Variants in TCF3 observed in about 807,000 individuals in gnomAD.
The protein encoded by TCF3 is transcription factor E2-alpha.
In TCF3, 54 loss-of-function variants were observed where a neutral mutation model predicts 72.3. That is an observed-to-expected ratio of 0.75 (90% confidence interval 0.60 to 0.94). The LOEUF is 0.94. TCF3 is among the 40% of genes least tolerant of loss of function. The pLI is 0.00. For missense variants in TCF3, 1,078 were observed against 934.4 expected (o/e 1.15, Z -2.00); for synonymous variants, 525 against 412.6 (o/e 1.27, Z -3.30).
intron 7 of TCF3, among the ~76,000 whole-genome samples, chr19:1,625,139 G>A (rs957686004): frequency 1.4e-4 from 22 of 152,240 alleles, no homozygotes; most frequent in Non-Finnish European, 2.8e-4. Context: ...GTGCCGCCAT[G>A]CCTGGCGACT....
At chr19:1,612,165 G>A (rs772665099) in intron 18 of TCF3, 2 of 1,527,670 alleles carry the variant, frequency 1.3e-6, no homozygotes, top group African/African-American at 1.4e-5. Context: ...TGGGTGTGGG[G>A]AAGGGAGAGG....
intron 3 of TCF3, among the ~76,000 whole-genome samples, chr19:1,636,820 G>A (rs529638331): frequency 1.3e-5 from 2 of 152,096 alleles, no homozygotes; most frequent in Non-Finnish European, 2.9e-5. Flanking sequence ...ACGAGATCCC[G>A]CAAAGCCTCC....
In TCF3 at chr19:1,622,174, C is replaced by T. The variant is rs748162352; in HGVS notation, c.702G>A (p.Ala234=). ...CCCCACCCAGCATGGGCCCGAAGCC[C>T]GCCTGGCCCGGGGGACTCCAGAGCT... The part of the protein sequence containing the change: ...SAELWSPPGQ[A]GFGPMLGGGS... Residue 234 remains alanine, a synonymous_variant, in exon 10 of 19, where the codon GCG becomes GCA. Transcript: ENST00000262965. 79 of 1,570,270 alleles carry T rather than the reference C, an allele frequency of 5.0e-5. No individual in the cohort carries two copies. Among genetic ancestry groups the T allele is most frequent in the Non-Finnish European group, 6.0e-5 (70 of 1,160,490 alleles).
rs932433689 is a variant in TCF3, at chr19:1,611,640, G to A, written c.*67C>T. 2.6e-5 allele frequency: 40 copies of A among 1,555,896 alleles called. No individual in the cohort carries two copies. Among genetic ancestry groups the A allele is most frequent in the Middle Eastern group, 3.7e-4 (2 of 5,442 alleles). On this transcript the variant is annotated 3_prime_UTR_variant, in exon 19 of 19. Coordinates refer to ENST00000262965, the MANE Select transcript of TCF3 (RefSeq NM_003200.5). The stretch of plus-strand genomic sequence containing the variant: ...GGATGTGGATGAAGCCCGGGGTCTC[G>A]AGTGGCCGTTCTGGGGCCAGAGCAC...
intron 2 of TCF3, among the ~76,000 whole-genome samples, chr19:1,649,656 C>G (rs560510617): frequency 7.6e-4 from 115 of 152,242 alleles, no homozygotes; most frequent in African/African-American, 2.7e-3. Context: ...CTCCTGGCCT[C>G]AAGCGATCCT....
At chr19:1,634,634 G>A (rs528143721) in intron 3 of TCF3, among the ~76,000 whole-genome samples, 118 of 152,326 alleles carry the variant, frequency 7.7e-4, no homozygotes, top group Middle Eastern at 6.8e-3. Context: ...GGTCCCTGTT[G>A]GGTCCCCTCC....
intron 7 of TCF3, among the ~76,000 whole-genome samples, chr19:1,624,290 G>A (rs907457802): frequency 6.6e-6 from 1 of 152,144 alleles, no homozygotes; most frequent in African/African-American, 2.4e-5. Context: ...CAGCTACTCG[G>A]GAGGCCGAGG....
At chr19:1,642,503 G>A (rs1354281681) in intron 3 of TCF3, among the ~76,000 whole-genome samples, 1 of 152,222 alleles carries the variant, frequency 6.6e-6, no homozygotes, top group African/African-American at 2.4e-5. Context: ...AGAATAAAAA[G>A]TGGATCAACT....
chr19:1,616,257 G>A (rs1413304916), intron 16 of TCF3, among the ~76,000 whole-genome samples: 2 of 151,806 alleles, frequency 1.3e-5, no homozygotes, highest in African/African-American at 4.8e-5. Flanking sequence ...GGTGGATCAC[G>A]AGGTCAGGAG....
rs924397278 is a variant in TCF3 at position 1,627,768 on chromosome 19, G to A, written c.299-342C>T. ...GGTGGGGCGGAAAGGGGACAGCAGA[G>A]CTCACGGGGTGAGGTGGGAAGGGGA... is the stretch of plus-strand genomic sequence containing the variant. On this transcript the variant is annotated intron_variant, in intron 5 of 18. Coordinates refer to ENST00000262965, the MANE Select transcript of TCF3 (RefSeq NM_003200.5). 5.2e-4 allele frequency among the ~76,000 whole-genome samples: 78 copies of A among 148,850 alleles called. No individual in the cohort carries two copies. The East Asian group carries it at 5.3e-3, about 10-fold the overall frequency.
chr19:1,611,904 T>TGA, intron 18 of TCF3, 55 bp from the exon 19 acceptor site: 1 of 896,122 alleles, frequency 1.1e-6, no homozygotes, highest in South Asian at 2.7e-5. Flanking sequence ...GAGAAAGATG[T>TGA]GAGGTGGGAG....
Position 1,632,150 on chromosome 19 carries a change from G to T in TCF3, c.220-34C>A. On this transcript the variant is annotated intron_variant, in intron 4 of 18. Transcript: ENST00000262965. ...GATGGGGTGGGGATGAGAGGTGCTG[G>T]GGCTTCACAGGCCCCCCCTCCACCC... The T allele has an allele frequency of 1.9e-6, 3 of 1,602,500 alleles. No homozygotes were observed. The South Asian group carries it at 3.4e-5, about 18-fold the overall frequency.
intron 3 of TCF3, among the ~76,000 whole-genome samples, chr19:1,644,902 C>G (rs1041858417): frequency 1.3e-5 from 2 of 151,974 alleles, no homozygotes; most frequent in Non-Finnish European, 2.9e-5. Flanking sequence ...CTCCAGGAAG[C>G]CCCCAGGGCC....
chr19:1,636,890 C>G (rs150400301), intron 3 of TCF3, among the ~76,000 whole-genome samples: 29 of 152,268 alleles, frequency 1.9e-4, no homozygotes, highest in East Asian at 1.2e-3. Flanking sequence ...CCCTGTGGCC[C>G]GCCCGCGAGC....
chr19:1,642,312 G>GCACA (rs747981790), intron 3 of TCF3, among the ~76,000 whole-genome samples: 2 of 151,524 alleles, frequency 1.3e-5, no homozygotes, highest in South Asian at 4.2e-4. Flanking sequence ...ACACCCGCAC[G>GCACA]CACACACAGA....
At position 1,622,201 on chromosome 19, in the gene TCF3, G is replaced by A. The variant is rs551010232; in HGVS notation, c.675C>T (p.Ala225=). Residue 225 remains alanine (A), a synonymous_variant, in exon 10 of 19, where the codon GCC becomes GCT. Coordinates refer to ENST00000262965, the MANE Select transcript of TCF3 (RefSeq NM_003200.5). ...YVADGSLHPS[A]ELWSPPGQAG... is the part of the protein sequence containing the mutation. The stretch of plus-strand genomic sequence containing the variant: ...CCTGGCCCGGGGGACTCCAGAGCTC[G>A]GCTGAGGGGTGCAGGCTGCCATCTG... The A allele has an allele frequency of 3.3e-5, 51 of 1,558,848 alleles. No individual in the cohort carries two copies. In the East Asian group the frequency reaches 3.3e-4, roughly 10 times the overall value.
rs561315199 is a variant in TCF3, at chr19:1,614,104, C to T, written c.1822+1181G>A. Among the ~76,000 whole-genome samples, 4 of 152,380 alleles carry T rather than the reference C, an allele frequency of 2.6e-5. No individual in the cohort carries two copies. In the South Asian group the frequency reaches 8.3e-4, roughly 32 times the overall value. ...CCGGTCCCCATCAGGGCACCCACTG[C>T]TCTAGGTTGTGGTGAAGATGAAATG... is the stretch of plus-strand genomic sequence containing the variant. On this transcript the variant is annotated intron_variant, in intron 18 of 18. Coordinates refer to ENST00000262965, the MANE Select transcript of TCF3 (RefSeq NM_003200.5). The surrounding 1 kb of genome is among the most constrained non-coding windows in gnomAD (Gnocchi z 5.6).
intron 1 of TCF3, chr19:1,651,348 CCT>C (rs932237306): frequency 2.2e-5 from 5 of 227,816 alleles, no homozygotes; most frequent in African/African-American, 8.9e-5. Flanking sequence ...AGAGAAATCC[CCT>C]CTTTGTCTGC....
chr19:1,621,753 G>A (rs767005355), intron 11 of TCF3, 85 bp downstream of exon 11: 121 of 1,448,774 alleles, frequency 8.4e-5, no homozygotes, highest in Admixed American at 1.3e-4. Context: ...TGCGCCTCCC[G>A]TGGAGTCCTC....
Sources: gnomAD v4.1 joint callset for allele counts (sites outside exome capture counted in the v4.1 genomes callset) on GRCh38, gnomAD v4.1.1 for gene constraint, Gnocchi (gnomAD v3.1) non-coding constraint, MANE v1.5 for transcripts, NCBI Gene and HGNC (gene_info 2026-07-23, HGNC 2026-07-21) for gene names.